The following PTPN12 variants were observed in gnomAD, a reference collection of about 807,000 sequenced individuals.
The protein encoded by PTPN12 is protein tyrosine phosphatase non-receptor type 12, also known as tyrosine-protein phosphatase non-receptor type 12.
A neutral mutation model predicts 97.6 loss-of-function variants in PTPN12; 29 were observed. The observed-to-expected ratio is 0.30, with a 90% CI of 0.22 to 0.41. The LOEUF (loss-of-function observed/expected upper bound fraction) is 0.41. Among genes scored for constraint, PTPN12 ranks in the 10% least tolerant of loss-of-function variants. PTPN12 has a pLI of 1.00. For missense variants in PTPN12, 819 were observed against 926.0 expected (o/e 0.88, Z 1.50); for synonymous variants, 327 against 300.4 (o/e 1.09, Z -0.91).
At chr7:77,636,966 T>A in intron 15 of PTPN12, 52 bp from the exon 16 acceptor site, 1 of 1,426,752 alleles carries the variant, frequency 7.0e-7, no homozygotes, top group Non-Finnish European at 9.7e-7. Context: ...CTTTCTATTA[T>A]TTGTATATAA....
intron 15 of PTPN12, among the ~76,000 whole-genome samples, chr7:77,636,164 A>G (rs73706229): frequency 1.3e-5 from 2 of 152,162 alleles, no homozygotes; most frequent in African/African-American, 2.4e-5. Context: ...TACTATTTTC[A>G]GGGTCCTAAT....
intron 1 of PTPN12, chr7:77,545,827 G>C (rs909399262): frequency 7.9e-5 from 12 of 152,076 alleles, no homozygotes; most frequent in Non-Finnish European, 1.5e-4. Flanking sequence ...TTTGAAGGAA[G>C]CTATTCCTGG....
At chr7:77,604,258 T>C (rs1432911265) in intron 8 of PTPN12, among the ~76,000 whole-genome samples, 34 of 109,408 alleles carry the variant, frequency 3.1e-4, no homozygotes, top group Middle Eastern at 7.9e-3. Flanking sequence ...GGCTGTCGCC[T>C]GGGCTGGAGT....
intron 1 of PTPN12, 72 bp downstream of exon 1, chr7:77,537,717 C>T (rs1009858378): frequency 1.1e-5 from 17 of 1,484,446 alleles, no homozygotes; most frequent in Admixed American, 2.1e-5. Context: ...CCGGCCGGGC[C>T]GCCAGTGCTT....
At chr7:77,592,156 A>G in intron 5 of PTPN12, 29 bp from the exon 6 acceptor site, 8 of 1,543,204 alleles carry the variant, frequency 5.2e-6, no homozygotes, top group Non-Finnish European at 7.1e-6. Context: ...TACATGAATT[A>G]CTTACTAATT....
chr7:77,540,996 T>A (rs1806946331), intron 1 of PTPN12, among the ~76,000 whole-genome samples: 2 of 152,250 alleles, frequency 1.3e-5, no homozygotes, highest in South Asian at 4.1e-4. Context: ...CTTGCCTGAC[T>A]GGTGATGATG....
intron 6 of PTPN12, among the ~76,000 whole-genome samples, chr7:77,596,291 G>A (rs953086596): frequency 2.0e-5 from 3 of 151,808 alleles, no homozygotes; most frequent in Non-Finnish European, 2.9e-5. Flanking sequence ...TAGTTTAGTA[G>A]GTAACTTGAT....
At chr7:77,575,189 G>A (rs916471776) in intron 2 of PTPN12, among the ~76,000 whole-genome samples, 7 of 152,044 alleles carry the variant, frequency 4.6e-5, no homozygotes, top group African/African-American at 1.4e-4. Flanking sequence ...TTTACTGTTA[G>A]ATAACTATTT....
intron 11 of PTPN12, among the ~76,000 whole-genome samples, chr7:77,612,124 C>T (rs767293077): frequency 6.6e-6 from 1 of 151,864 alleles, no homozygotes; most frequent in Non-Finnish European, 1.5e-5. Context: ...ATGGTTTTGT[C>T]AGTTCCCAGA....
At chr7:77,597,510 T>G (rs1029237252) in intron 6 of PTPN12, among the ~76,000 whole-genome samples, 1 of 152,234 alleles carries the variant, frequency 6.6e-6, no homozygotes, top group Non-Finnish European at 1.5e-5. Flanking sequence ...GGTTCATCCA[T>G]GTCTTTTCAT....
intron 1 of PTPN12, among the ~76,000 whole-genome samples, chr7:77,539,352 A>G (rs1421082271): frequency 6.6e-6 from 1 of 152,196 alleles, no homozygotes; most frequent in Admixed American, 6.5e-5. Context: ...AAAAATAAAA[A>G]TATTGCTTAT....
intron 2 of PTPN12, 74 bp from the exon 3 acceptor site, chr7:77,581,353 T>G (rs1373521434): frequency 1.0e-6 from 1 of 958,612 alleles, no homozygotes; most frequent in African/African-American, 1.7e-5. Flanking sequence ...AGCTGTCTAT[T>G]TAACCTTACT....
rs1448141664 is a variant in PTPN12, at chr7:77,639,623, G to A, written c.*343G>A. The stretch of plus-strand genomic sequence containing the variant: ...ATGCATTATTTTGTATATGTACAGG[G>A]CAAGTAGGTATATAATTTGATAAAG... On this transcript the variant is annotated 3_prime_UTR_variant, in exon 18 of 18. Coordinates refer to ENST00000248594, the MANE Select transcript of PTPN12 (RefSeq NM_002835.4). 1 of 195,958 alleles carries A rather than the reference G, an allele frequency of 5.1e-6. No homozygotes were observed. Among genetic ancestry groups the A allele is most frequent in the East Asian group, 1.2e-4 (1 of 8,502 alleles). 12.1% of individuals were successfully genotyped at this position (195,958 alleles called of 1,614,324 possible). A position where few individuals can be genotyped will look rare whatever the true frequency, so the allele number is the denominator to read the frequency against.
intron 2 of PTPN12, among the ~76,000 whole-genome samples, chr7:77,577,512 G>C (rs1436436650): frequency 1.3e-5 from 2 of 151,676 alleles, no homozygotes; most frequent in Admixed American, 1.3e-4. Flanking sequence ...TCACACCTCT[G>C]AAGACTGCTG....
Position 77,537,373 on chromosome 7 carries a change from T to G in PTPN12, c.-174T>G. The G allele has an allele frequency of 1.2e-6, 1 of 824,480 alleles. No homozygotes were observed. The highest frequency in any genetic ancestry group is 1.6e-6 in the Non-Finnish European group (1 of 610,092). The allele number at this position is 824,480 out of a possible 1,614,324, so 51.1% of individuals were successfully genotyped here. On this transcript the variant is annotated 5_prime_UTR_variant, in exon 1 of 18. Transcript: ENST00000248594. ...GTTGTGGTGTCGGGAGCCCAGCCGGTGCCGCCGCAGCCGCCGCCTAGGGCG... is the reference window on the plus strand; with the variant it reads ...GTTGTGGTGTCGGGAGCCCAGCCGGGGCCGCCGCAGCCGCCGCCTAGGGCG...
chr7:77,543,055 G>A (rs940082070), intron 1 of PTPN12, among the ~76,000 whole-genome samples: 3 of 152,132 alleles, frequency 2.0e-5, no homozygotes, highest in East Asian at 1.9e-4. Context: ...GGAGGGAGGA[G>A]AACCAGAGAT....
chr7:77,597,088 T>C (rs888545851), intron 6 of PTPN12, among the ~76,000 whole-genome samples: 1 of 152,160 alleles, frequency 6.6e-6, no homozygotes, highest in Non-Finnish European at 1.5e-5. Flanking sequence ...CTCCATAGTT[T>C]TGCCTTTTTC....
intron 9 of PTPN12, among the ~76,000 whole-genome samples, chr7:77,610,349 CCTT>C (rs1232226765): frequency 6.6e-6 from 1 of 152,182 alleles, no homozygotes; most frequent in Non-Finnish European, 1.5e-5. Flanking sequence ...AGTACCTTCT[CCTT>C]CTTTTAGTCT....
chr7:77,630,210 ATTGT>A (rs1000548924), intron 13 of PTPN12, among the ~76,000 whole-genome samples: 40 of 152,216 alleles, frequency 2.6e-4, no homozygotes, highest in African/African-American at 8.4e-4. Flanking sequence ...TACTTTATAG[ATTGT>A]TTATTTACCT....
Sources: gnomAD v4.1 joint callset for allele counts (sites outside exome capture counted in the v4.1 genomes callset) on GRCh38, gnomAD v4.1.1 for gene constraint, MANE v1.5 for transcripts, NCBI Gene and HGNC (gene_info 2026-07-23, HGNC 2026-07-21) for gene names.